Variants in RSRC1 observed in about 807,000 individuals in gnomAD.
The protein encoded by RSRC1 is arginine and serine rich coiled-coil 1.
A neutral mutation model predicts 49.1 loss-of-function variants in RSRC1; 39 were observed. The ratio of observed to expected loss-of-function variants is 0.79; its 90% CI spans 0.61 to 1.04. The LOEUF is 1.04. Ranked by LOEUF, RSRC1 falls within the 50% of genes least tolerant of loss-of-function variation. RSRC1 has a pLI of 0.00. For synonymous variants in RSRC1, 143 were observed against 130.8 expected, an observed-to-expected ratio of 1.09 and a Z score of -0.63; for missense variants, 388 against 402.4, an observed-to-expected ratio of 0.96 and a Z score of 0.31.
chr3:158,384,851 C>T (rs902085831), intron 6 of RSRC1, among the ~76,000 whole-genome samples: 4 of 151,942 alleles, frequency 2.6e-5, no homozygotes, highest in African/African-American at 9.7e-5. Context: ...TGATGTAGTC[C>T]ATGAAGTTTA....
intron 5 of RSRC1, among the ~76,000 whole-genome samples, chr3:158,315,046 T>G (rs1017629596): frequency 2.2e-5 from 3 of 135,114 alleles, no homozygotes; most frequent in African/African-American, 8.2e-5. Context: ...AAAAAAAAAA[T>G]TATGTTTGCT....
At chr3:158,258,208 C>CTTTTTTTTTTTT (rs71144451) in intron 4 of RSRC1, among the ~76,000 whole-genome samples, 3 of 65,776 alleles carry the variant, frequency 4.6e-5, no homozygotes, top group African/African-American at 5.8e-5. Flanking sequence ...TCCTTTTAAC[C>CTTTTTTTTTTTT]TTTTTTTTTT....
At chr3:158,479,697 G>A (rs538277227) in intron 7 of RSRC1, among the ~76,000 whole-genome samples, 86 of 151,962 alleles carry the variant, frequency 5.7e-4, no homozygotes, top group Non-Finnish European at 9.4e-4. Flanking sequence ...CACTAATGAT[G>A]TCACTACACT....
intron 4 of RSRC1, among the ~76,000 whole-genome samples, chr3:158,263,141 A>T (rs827110): frequency 0.48 from 72,378 of 151,876 alleles, 17,801 homozygotes; most frequent in East Asian, 0.64. Context: ...TTTTTCCATT[A>T]TTTTGATGTT....
At chr3:158,192,248 A>G (rs1310005245) in intron 3 of RSRC1, among the ~76,000 whole-genome samples, 12 of 152,022 alleles carry the variant, frequency 7.9e-5, no homozygotes, top group Non-Finnish European at 7.4e-5. Context: ...GCTTTCTTTG[A>G]ATTTGACATC....
chr3:158,328,569 C>A (rs963517660), intron 5 of RSRC1, among the ~76,000 whole-genome samples: 10 of 152,214 alleles, frequency 6.6e-5, no homozygotes, highest in African/African-American at 2.4e-4. Flanking sequence ...CCCCCACTCT[C>A]TTCTGGCTTG....
At chr3:158,386,277 T>C (rs1254931588) in intron 6 of RSRC1, among the ~76,000 whole-genome samples, 1 of 152,132 alleles carries the variant, frequency 6.6e-6, no homozygotes, top group East Asian at 1.9e-4. Context: ...CTAGTACTTA[T>C]TAATTTATTA....
At chr3:158,183,144 A>G (rs1428351149) in intron 3 of RSRC1, among the ~76,000 whole-genome samples, 1 of 152,152 alleles carries the variant, frequency 6.6e-6, no homozygotes, top group African/African-American at 2.4e-5. Context: ...ATTGGTCCAG[A>G]TAAAGGTAAG....
At chr3:158,253,557 T>A (rs1352439879) in intron 4 of RSRC1, among the ~76,000 whole-genome samples, 1 of 152,124 alleles carries the variant, frequency 6.6e-6, no homozygotes, top group Admixed American at 6.5e-5. Context: ...TAGATTAAAT[T>A]TTCTGTGAAT....
chr3:158,466,091 T>C (rs1158672547), intron 7 of RSRC1, among the ~76,000 whole-genome samples: 1 of 152,190 alleles, frequency 6.6e-6, no homozygotes, highest in Non-Finnish European at 1.5e-5. Context: ...TTCAGTTTTT[T>C]CTATTCCATA....
intron 7 of RSRC1, among the ~76,000 whole-genome samples, chr3:158,530,498 AT>A (rs1712320470): frequency 6.6e-6 from 1 of 151,760 alleles, no homozygotes; most frequent in Non-Finnish European, 1.5e-5. Context: ...TGTCTCCCTC[AT>A]TAAAACATAA....
chr3:158,247,905 A>G (rs1025513895), intron 4 of RSRC1, among the ~76,000 whole-genome samples: 1 of 152,096 alleles, frequency 6.6e-6, no homozygotes, highest in Non-Finnish European at 1.5e-5. Flanking sequence ...TTCAGTTTTC[A>G]TGGGTTGTTT....
At chr3:158,394,821 A>C (rs571705067) in intron 6 of RSRC1, among the ~76,000 whole-genome samples, 6 of 152,216 alleles carry the variant, frequency 3.9e-5, no homozygotes, top group African/African-American at 1.4e-4. Flanking sequence ...TATTTTTCAC[A>C]AAATTGAAAA....
intron 3 of RSRC1, among the ~76,000 whole-genome samples, chr3:158,146,031 T>A (rs1199811869): frequency 3.3e-5 from 5 of 152,202 alleles, no homozygotes; most frequent in Non-Finnish European, 7.3e-5. Flanking sequence ...GATTTTGGGC[T>A]GAGATGATGG....
At chr3:158,275,221 C>A (rs1172059752) in intron 4 of RSRC1, among the ~76,000 whole-genome samples, 1 of 152,174 alleles carries the variant, frequency 6.6e-6, no homozygotes, top group Non-Finnish European at 1.5e-5. Flanking sequence ...GAAGCCATGG[C>A]ACTGAACCAG....
chr3:158,527,343 A>T (rs1712104239), intron 7 of RSRC1, among the ~76,000 whole-genome samples: 1 of 151,948 alleles, frequency 6.6e-6, no homozygotes, highest in Admixed American at 6.6e-5. Flanking sequence ...CATTAATGGG[A>T]TGATGCAAGA....
At chr3:158,154,619 C>T (rs1717749436) in intron 3 of RSRC1, among the ~76,000 whole-genome samples, 1 of 151,990 alleles carries the variant, frequency 6.6e-6, no homozygotes. Flanking sequence ...CTCATGCCAC[C>T]ATGCCCAGCT....
intron 7 of RSRC1, among the ~76,000 whole-genome samples, chr3:158,499,955 GAA>G (rs937136907): frequency 1.2e-4 from 18 of 152,134 alleles, no homozygotes; most frequent in African/African-American, 3.4e-4. Flanking sequence ...CTCTCAGAGG[GAA>G]TGCTTTCAAC....
At chr3:158,483,995 C>T (rs915850401) in intron 7 of RSRC1, among the ~76,000 whole-genome samples, 8 of 152,106 alleles carry the variant, frequency 5.3e-5, no homozygotes, top group East Asian at 1.9e-4. Context: ...TCTGTGCGGA[C>T]GCTAAGCTTC....
Sources: gnomAD v4.1 joint callset for allele counts (sites outside exome capture counted in the v4.1 genomes callset) on GRCh38, gnomAD v4.1.1 for gene constraint, MANE v1.5 for transcripts, NCBI Gene and HGNC (gene_info 2026-07-23, HGNC 2026-07-21) for gene names.